DENND1B: variants seen among roughly 807,000 people sequenced by gnomAD.
DENND1B encodes DENN domain containing 1B, also known as DENN domain-containing protein 1B.
In DENND1B, 59 loss-of-function variants were observed where a neutral mutation model predicts 90.1. The observed-to-expected ratio is 0.65, with a 90% confidence interval of 0.53 to 0.81. DENND1B has a LOEUF of 0.81. Ranked by LOEUF, DENND1B falls within the 40% of genes least tolerant of loss-of-function variation. DENND1B has a pLI of 0.00. For synonymous variants in DENND1B, 337 were observed against 324.6 expected (o/e 1.04, Z -0.41); for missense variants, 862 against 912.6 (o/e 0.94, Z 0.71).
chr1:197,554,333 A>T (rs1671516148), intron 15 of DENND1B, among the ~76,000 whole-genome samples: 2 of 152,084 alleles, frequency 1.3e-5, no homozygotes, highest in African/African-American at 4.8e-5. Context: ...AAGATGGATT[A>T]AAACTTCCAT....
rs144422955 is a variant in DENND1B at position 197,714,304 on chromosome 1, A to T, written c.126+727T>A. Among the ~76,000 whole-genome samples the T allele has an allele frequency of 9.1e-4, 138 of 152,178 alleles. No individual in the cohort carries two copies. The East Asian group carries it at 0.017, about 19-fold the overall frequency. ...ATTTTTAAAAAGCAAAAAATTGGCAAAAAAATCCTTAAATCTGTATTATTT... is the reference window on the plus strand; with the variant it reads ...ATTTTTAAAAAGCAAAAAATTGGCATAAAAATCCTTAAATCTGTATTATTT... On this transcript the variant is annotated intron_variant, in intron 3 of 22. Transcript: ENST00000620048.
chr1:197,678,177 C>T (rs999379217), intron 3 of DENND1B, among the ~76,000 whole-genome samples: 7 of 152,124 alleles, frequency 4.6e-5, no homozygotes, highest in Admixed American at 6.6e-5. Flanking sequence ...TCAACCCATT[C>T]GTCTCCCGAT....
At chr1:197,536,269 G>A (rs2125645005) in intron 20 of DENND1B, among the ~76,000 whole-genome samples, 1 of 152,098 alleles carries the variant, frequency 6.6e-6, no homozygotes, top group Non-Finnish European at 1.5e-5. Flanking sequence ...CCTACCGGAA[G>A]CCTAGATATA....
At chr1:197,757,070 A>G (rs1169411834) in intron 2 of DENND1B, among the ~76,000 whole-genome samples, 1 of 151,720 alleles carries the variant, frequency 6.6e-6, no homozygotes, top group East Asian at 1.9e-4. Context: ...CTTGCAAGTT[A>G]CAAAAGAGAT....
At chr1:197,656,289 G>A (rs1210012756) in intron 6 of DENND1B, among the ~76,000 whole-genome samples, 1 of 151,572 alleles carries the variant, frequency 6.6e-6, no homozygotes, top group Non-Finnish European at 1.5e-5. Flanking sequence ...AAGAGAAGGT[G>A]AGGACATAAG....
intron 16 of DENND1B, among the ~76,000 whole-genome samples, chr1:197,551,113 C>CACACACACACA (rs368753746): frequency 9.9e-4 from 49 of 49,312 alleles, no homozygotes; most frequent in Non-Finnish European, 1.6e-3. Context: ...ACACACACAC[C>CACACACACACA]CCCTAGATAG....
At chr1:197,598,843 T>A (rs1183099992) in intron 13 of DENND1B, among the ~76,000 whole-genome samples, 1 of 151,884 alleles carries the variant, frequency 6.6e-6, no homozygotes, top group African/African-American at 2.4e-5. Flanking sequence ...TTACACTCTG[T>A]AAATACATTT....
chr1:197,638,586 G>A (rs1679994716), intron 10 of DENND1B, among the ~76,000 whole-genome samples: 1 of 152,148 alleles, frequency 6.6e-6, no homozygotes, highest in Non-Finnish European at 1.5e-5. Context: ...ACTGATTTGA[G>A]AACCACTGAC....
At position 197,624,717 on chromosome 1, in the gene DENND1B, C is replaced by A. The variant is rs985553826; in HGVS notation, c.673-6958G>T. Among the ~76,000 whole-genome samples the A allele has an allele frequency of 3.9e-5, 6 of 151,944 alleles. No homozygotes were observed. The South Asian group carries it at 1.0e-3, about 26-fold the overall frequency. On this transcript the variant is annotated intron_variant, in intron 10 of 22. Coordinates refer to ENST00000620048, the MANE Select transcript of DENND1B (RefSeq NM_001195215.2). ...GAAGGCTTCAGACGATCAAACTACTCTGAGCTACAGGAGGAAATTTAAACC... is the reference window on the plus strand; with the variant it reads ...GAAGGCTTCAGACGATCAAACTACTATGAGCTACAGGAGGAAATTTAAACC...
chr1:197,754,898 C>T (rs762012268), intron 2 of DENND1B, among the ~76,000 whole-genome samples: 1 of 152,032 alleles, frequency 6.6e-6, no homozygotes, highest in African/African-American at 2.4e-5. Flanking sequence ...TTAGTCTCTT[C>T]ATGTTATTTT....
At chr1:197,647,504 T>C (rs1320662208) in intron 7 of DENND1B, among the ~76,000 whole-genome samples, 1 of 152,214 alleles carries the variant, frequency 6.6e-6, no homozygotes, top group Non-Finnish European at 1.5e-5. Context: ...TCTCCTCTAG[T>C]AGCTGAAGAT....
At chr1:197,547,433 T>C (rs1670897084) in intron 16 of DENND1B, among the ~76,000 whole-genome samples, 1 of 152,240 alleles carries the variant, frequency 6.6e-6, no homozygotes, top group African/African-American at 2.4e-5. Context: ...AATTTCTTTC[T>C]AGCTGTTATC....
intron 6 of DENND1B, among the ~76,000 whole-genome samples, chr1:197,653,304 T>A (rs146228095): frequency 0.027 from 4,068 of 152,218 alleles, 75 homozygotes; most frequent in Middle Eastern, 0.078. Context: ...GAGGCTCATA[T>A]GGTTGTTTTA....
chr1:197,697,596 C>G (rs1172182340), intron 3 of DENND1B, among the ~76,000 whole-genome samples: 1 of 151,462 alleles, frequency 6.6e-6, no homozygotes, highest in African/African-American at 2.4e-5. Flanking sequence ...GAATCTCAGT[C>G]TTGCACTCCA....
intron 2 of DENND1B, among the ~76,000 whole-genome samples, chr1:197,756,896 G>C (rs1654380587): frequency 6.6e-6 from 1 of 150,930 alleles, no homozygotes; most frequent in South Asian, 2.1e-4. Flanking sequence ...TTTATTGCCA[G>C]TGTTAAATTT....
chr1:197,545,283 T>C (rs1670724191), intron 18 of DENND1B, among the ~76,000 whole-genome samples: 1 of 151,980 alleles, frequency 6.6e-6, no homozygotes, highest in African/African-American at 2.4e-5. Flanking sequence ...TGGGTGCCTG[T>C]AATCCCAGCT....
Position 197,512,924 on chromosome 1 carries a change from A to G in DENND1B, c.1545T>C (p.Leu515=), listed in dbSNP as rs772709023. The part of the protein sequence containing the change: ...QARLKRPLKS[L]DGALYDDEDD... ...CTTCATCATCATATAGAGCACCATCAAGGCTCTTAAGAGGCCTTTTTAAGC... is the reference window on the plus strand; with the variant it reads ...CTTCATCATCATATAGAGCACCATCGAGGCTCTTAAGAGGCCTTTTTAAGC... Residue 515 remains leucine, a synonymous_variant, in exon 21 of 23, where the codon CTT becomes CTC. Transcript: ENST00000620048. The G allele has an allele frequency of 1.2e-6, 2 of 1,610,336 alleles. No homozygotes were observed. The highest frequency in any genetic ancestry group is 2.7e-5 in the African/African-American group (2 of 74,608).
chr1:197,634,233 TC>T (rs1679577343), intron 10 of DENND1B, among the ~76,000 whole-genome samples: 1 of 152,178 alleles, frequency 6.6e-6, no homozygotes, highest in African/African-American at 2.4e-5. Flanking sequence ...TAGTAGCCCA[TC>T]CCTTGTTACC....
chr1:197,774,252 T>C (rs1432803712), intron 1 of DENND1B, among the ~76,000 whole-genome samples: 9 of 152,330 alleles, frequency 5.9e-5, no homozygotes, highest in African/African-American at 2.2e-4. Context: ...TTCTCTTAGG[T>C]GTAAAAGTTA....
Sources: allele counts gnomAD v4.1 joint callset (sites outside exome capture counted in the v4.1 genomes callset), GRCh38; gene constraint gnomAD v4.1.1; transcripts MANE v1.5; gene names NCBI Gene and HGNC (gene_info 2026-07-23, HGNC 2026-07-21).